The following FMNL3 variants were observed in gnomAD, a reference collection of about 807,000 sequenced individuals.
The protein encoded by FMNL3 is formin-like protein 3.
FMNL3 carries 57 observed loss-of-function variants against 119.6 expected under a neutral mutation model. That is an observed-to-expected ratio of 0.48 (90% CI 0.39 to 0.59). FMNL3 has a LOEUF of 0.59. Ranked by LOEUF, FMNL3 falls within the 20% of genes least tolerant of loss-of-function variation. The pLI is 0.00. For missense variants in FMNL3, 1,053 were observed against 1,323.5 expected, an observed-to-expected ratio of 0.80 and a Z score of 3.17; for synonymous variants, 491 against 507.3, an observed-to-expected ratio of 0.97 and a Z score of 0.43.
intron 1 of FMNL3, among the ~76,000 whole-genome samples, chr12:49,682,657 G>T (rs1565889688): frequency 6.6e-6 from 1 of 152,160 alleles, no homozygotes. Context: ...TAATTTCATA[G>T]TACTTTAAAA....
At position 49,647,023 on chromosome 12, in the gene FMNL3, T is replaced by C. The variant is rs780857988; in HGVS notation, c.2872-14A>G. The stretch of plus-strand genomic sequence containing the variant: ...CTGGGATGGGGTCTAGGGCCAAGAA[T>C]GTGGAGGGGAAGGAAGTCATCACTA... On this transcript the variant is annotated splice_polypyrimidine_tract_variant and intron_variant, in intron 24 of 25. Coordinates refer to ENST00000335154, the MANE Select transcript of FMNL3 (RefSeq NM_175736.5). This position sits in a 1 kb window ranked among gnomAD's most constrained non-coding sequence, Gnocchi z 4.9. 1 of 1,589,078 alleles carries C rather than the reference T, an allele frequency of 6.3e-7. No individual in the cohort carries two copies. The highest frequency in any genetic ancestry group is 1.1e-5 in the South Asian group (1 of 90,794).
Position 49,649,843 on chromosome 12 carries a change from G to T in FMNL3, c.2083C>A (p.Arg695=), listed in dbSNP as rs766493207. 6.2e-7 allele frequency: 1 copy of T among 1,614,046 alleles called. No homozygotes were observed. Among genetic ancestry groups the T allele is most frequent in the African/African-American group, 1.3e-5 (1 of 74,902 alleles). ...LPTEAEVKLL[R]QYERERQPLE... Reference sequence around the variant, plus strand: ...GGCTGCCGCTCCCGCTCATATTGCCGCAGCAGCTTTACCTCAGCCTCTGTG... The same window carrying T: ...GGCTGCCGCTCCCGCTCATATTGCCTCAGCAGCTTTACCTCAGCCTCTGTG... Residue 695 remains arginine (R), a synonymous_variant, in exon 18 of 26, where the codon CGG becomes AGG. Transcript: ENST00000335154. The surrounding 1 kb of genome is among the most constrained non-coding windows in gnomAD (Gnocchi z 5.6).
At chr12:49,665,718 GC>G in intron 4 of FMNL3, 113 bp downstream of exon 4, 1 of 1,131,966 alleles carries the variant, frequency 8.8e-7, no homozygotes. Context: ...GGGCAACTCT[GC>G]CCCATGGCAG....
At chr12:49,672,934 A>G (rs1476926244) in intron 1 of FMNL3, among the ~76,000 whole-genome samples, 2 of 152,224 alleles carry the variant, frequency 1.3e-5, no homozygotes, top group East Asian at 3.8e-4. Flanking sequence ...CCAAAATGGC[A>G]TAGCTTCGAG....
At chr12:49,646,279 T>C (rs1021136793) in intron 25 of FMNL3, among the ~76,000 whole-genome samples, 3 of 152,136 alleles carry the variant, frequency 2.0e-5, no homozygotes, top group African/African-American at 7.2e-5. Context: ...AAGAGAACCG[T>C]AGGGAAAGGT....
At chr12:49,656,726 G>T in intron 8 of FMNL3, 97 bp downstream of exon 8, 1 of 1,217,402 alleles carries the variant, frequency 8.2e-7, no homozygotes, top group Non-Finnish European at 1.2e-6. Context: ...CTCTTGACAG[G>T]ACTCCAAGGC....
Position 49,644,289 on chromosome 12 carries a change from G to A in FMNL3, c.*1526C>T. ...AGACTTCTTCCTTAGTCTGGTCTGTGTCCACTTTTTCTAAAGTAACCCCAC... is the reference window on the plus strand; with the variant it reads ...AGACTTCTTCCTTAGTCTGGTCTGTATCCACTTTTTCTAAAGTAACCCCAC... On this transcript the variant is annotated 3_prime_UTR_variant, in exon 26 of 26. Coordinates refer to ENST00000335154, the MANE Select transcript of FMNL3 (RefSeq NM_175736.5). 7.1e-7 allele frequency: 1 copy of A among 1,405,772 alleles called. No homozygotes were observed. Among genetic ancestry groups the A allele is most frequent in the Non-Finnish European group, 9.9e-7 (1 of 1,008,408 alleles). The allele number at this position is 1,405,772 out of a possible 1,614,324, so 87.1% of individuals were successfully genotyped here. A position where few individuals can be genotyped will look rare whatever the true frequency, so the allele number is the denominator to read the frequency against.
Position 49,645,801 on chromosome 12 carries a change from C to A in FMNL3, c.*14G>T. The A allele has an allele frequency of 6.3e-7, 1 of 1,593,000 alleles. No homozygotes were observed. Among genetic ancestry groups the A allele is most frequent in the Non-Finnish European group, 8.5e-7 (1 of 1,172,626 alleles). ...GACTCTGAGGGGTGAAGTGCTTCTGCCTCCGAGAGGGTCTCAGTGGGGGCC... is the reference window on the plus strand; with the variant it reads ...GACTCTGAGGGGTGAAGTGCTTCTGACTCCGAGAGGGTCTCAGTGGGGGCC... On this transcript the variant is annotated 3_prime_UTR_variant, in exon 26 of 26. Transcript: ENST00000335154.
chr12:49,671,103 C>A (rs1944033664), intron 1 of FMNL3, among the ~76,000 whole-genome samples: 1 of 152,250 alleles, frequency 6.6e-6, no homozygotes, highest in African/African-American at 2.4e-5. Flanking sequence ...GACATCACAT[C>A]CTGTCTATGC....
intron 1 of FMNL3, among the ~76,000 whole-genome samples, chr12:49,670,843 G>A (rs1320344448): frequency 6.6e-6 from 1 of 152,184 alleles, no homozygotes; most frequent in Non-Finnish European, 1.5e-5. Flanking sequence ...ACAAAACAAG[G>A]ACTCAAGGTC....
At position 49,649,860 on chromosome 12, in the gene FMNL3, G is replaced by C; in HGVS notation, c.2066C>G (p.Ala689Gly). 1.9e-6 allele frequency: 3 copies of C among 1,614,148 alleles called. No homozygotes were observed. Among genetic ancestry groups the C allele is most frequent in the Non-Finnish European group, 1.7e-6 (2 of 1,180,036 alleles). Residue 689 changes from alanine (A) to glycine (G), a missense_variant, in exon 18 of 26, where the codon GCT becomes GGT. Coordinates refer to ENST00000335154, the MANE Select transcript of FMNL3 (RefSeq NM_175736.5). This position sits in a 1 kb window ranked among gnomAD's most constrained non-coding sequence, Gnocchi z 5.6. ...ECLMRFLPTE[A>G]EVKLLRQYER... Reference sequence around the variant, plus strand: ...ATATTGCCGCAGCAGCTTTACCTCAGCCTCTGTGGGCAGGAAGCGCATCAG... The same window carrying C: ...ATATTGCCGCAGCAGCTTTACCTCACCCTCTGTGGGCAGGAAGCGCATCAG...
chr12:49,688,011 C>T (rs1183821089), intron 1 of FMNL3, among the ~76,000 whole-genome samples: 1 of 152,222 alleles, frequency 6.6e-6, no homozygotes, highest in Non-Finnish European at 1.5e-5. Context: ...AGAACCTCTG[C>T]AAATTAAAAG....
Position 49,637,554 on chromosome 12 carries a change from G to A in FMNL3, c.*8261C>T, listed in dbSNP as rs1407519808. ...GCTATATCCAGCAGTCAGCACTGAT[G>A]TCCGCTTTGCCAACATGCTGGGCCA... On this transcript the variant is annotated 3_prime_UTR_variant, in exon 26 of 26. Transcript: ENST00000335154. The A allele has an allele frequency of 1.9e-6, 3 of 1,613,724 alleles. No individual in the cohort carries two copies. In the African/African-American group the frequency reaches 4.0e-5, roughly 22 times the overall value.
rs1943574788 is a variant in FMNL3, at chr12:49,656,533, C to T, written c.792-36G>A. On this transcript the variant is annotated intron_variant, in intron 8 of 25. Coordinates refer to ENST00000335154, the MANE Select transcript of FMNL3 (RefSeq NM_175736.5). ...AAGAAGGAAGATTAACACCCTAACT[C>T]CCCATCCTGACAACCACACAGCTCA... 1.9e-6 allele frequency: 3 copies of T among 1,567,362 alleles called. No homozygotes were observed. The South Asian group carries it at 3.4e-5, about 18-fold the overall frequency.
At chr12:49,659,792 A>G (rs1943679885) in intron 5 of FMNL3, 1 of 985,248 alleles carries the variant, frequency 1.0e-6, no homozygotes, top group African/African-American at 1.7e-5. Context: ...CTCTCTTATC[A>G]TCCTCACTTC....
Position 49,647,201 on chromosome 12 carries a change from C to G in FMNL3, c.2871+75G>C. Reference sequence around the variant, plus strand: ...TCTGTCCACTCCAAGTTTTCATCTCCTCTAGCCTTCTGACCCCCAGCCCCC... The same window carrying G: ...TCTGTCCACTCCAAGTTTTCATCTCGTCTAGCCTTCTGACCCCCAGCCCCC... On this transcript the variant is annotated intron_variant, in intron 24 of 25. Coordinates refer to ENST00000335154, the MANE Select transcript of FMNL3 (RefSeq NM_175736.5). The surrounding 1 kb of genome is among the most constrained non-coding windows in gnomAD (Gnocchi z 4.9). 6.3e-7 allele frequency: 1 copy of G among 1,589,290 alleles called. No homozygotes were observed. The highest frequency in any genetic ancestry group is 8.6e-7 in the Non-Finnish European group (1 of 1,159,304).
At chr12:49,668,368 T>G in intron 2 of FMNL3, 103 bp downstream of exon 2, 2 of 1,017,838 alleles carry the variant, frequency 2.0e-6, no homozygotes, top group Non-Finnish European at 1.5e-6. Context: ...TAGGCCAGGG[T>G]TCCTCAAGGA....
chr12:49,684,785 G>A (rs980673307), intron 1 of FMNL3, among the ~76,000 whole-genome samples: 2 of 152,180 alleles, frequency 1.3e-5, no homozygotes, highest in African/African-American at 4.8e-5. Flanking sequence ...AGCACTTCAT[G>A]AGGGAGCAGA....
chr12:49,694,979 CT>C (rs1302786832), intron 1 of FMNL3, among the ~76,000 whole-genome samples: 5 of 151,466 alleles, frequency 3.3e-5, no homozygotes. Flanking sequence ...AAAACTTTTT[CT>C]ATTATTTAAC....
Sources: gnomAD v4.1 joint callset for allele counts (sites outside exome capture counted in the v4.1 genomes callset) on GRCh38, gnomAD v4.1.1 for gene constraint, Gnocchi (gnomAD v3.1) non-coding constraint, MANE v1.5 for transcripts, NCBI Gene and HGNC (gene_info 2026-07-23, HGNC 2026-07-21) for gene names.